The following GRK3 variants were observed in gnomAD, a reference collection of about 807,000 sequenced individuals.
GRK3 encodes the protein adrenergic, beta, receptor kinase 2.
A neutral mutation model predicts 95.7 loss-of-function variants in GRK3; 54 were observed. That is an observed-to-expected ratio of 0.56 (90% CI 0.45 to 0.71). The LOEUF is 0.71. GRK3 is among the 30% of genes least tolerant of loss of function. GRK3 has a pLI of 0.00. For missense variants in GRK3, 649 were observed against 851.2 expected, an observed-to-expected ratio of 0.76 and a Z score of 2.96; for synonymous variants, 281 against 290.8, an observed-to-expected ratio of 0.97 and a Z score of 0.34.
chr22:25,644,444 A>G (rs542009075), intron 2 of GRK3, 148 bp from the exon 3 acceptor site: 1 of 462,944 alleles, frequency 2.2e-6, no homozygotes, highest in Non-Finnish European at 3.8e-6. Flanking sequence ...GGAATTAATT[A>G]ATTCACTAGC....
At chr22:25,601,283 A>G (rs534273840) in intron 1 of GRK3, among the ~76,000 whole-genome samples, 1 of 152,344 alleles carries the variant, frequency 6.6e-6, no homozygotes, top group South Asian at 2.1e-4. Context: ...TCAACAAATC[A>G]TAAAAGAACT....
chr22:25,581,066 G>C (rs1389343871), intron 1 of GRK3: 1 of 152,088 alleles, frequency 6.6e-6, no homozygotes, highest in Non-Finnish European at 1.5e-5. Context: ...AGTGAGCTGA[G>C]ATTGCACTCC....
chr22:25,633,499 T>C (rs1429730001), intron 2 of GRK3, among the ~76,000 whole-genome samples: 3 of 152,176 alleles, frequency 2.0e-5, no homozygotes, highest in Non-Finnish European at 4.4e-5. Flanking sequence ...TTTTGTAGTT[T>C]TTAGCATACA....
intron 5 of GRK3, among the ~76,000 whole-genome samples, chr22:25,667,239 T>C (rs751576294): frequency 9.9e-5 from 15 of 152,222 alleles, no homozygotes; most frequent in Non-Finnish European, 1.6e-4. Flanking sequence ...TTTCACTTCA[T>C]GGACCTATTA....
At chr22:25,675,080 T>C (rs947972502) in intron 8 of GRK3, among the ~76,000 whole-genome samples, 3 of 152,046 alleles carry the variant, frequency 2.0e-5, no homozygotes, top group African/African-American at 7.2e-5. Flanking sequence ...GGGTTGTGGG[T>C]GGGAGCCAGG....
intron 15 of GRK3, among the ~76,000 whole-genome samples, 156 bp from the exon 16 acceptor site, chr22:25,709,742 C>T (rs996249093): frequency 2.0e-5 from 3 of 152,086 alleles, no homozygotes; most frequent in African/African-American, 7.2e-5. Context: ...CGTAGCATTC[C>T]TCCTGTTGTT....
At chr22:25,673,073 T>C (rs1457045005) in intron 7 of GRK3, among the ~76,000 whole-genome samples, 1 of 151,170 alleles carries the variant, frequency 6.6e-6, no homozygotes, top group Non-Finnish European at 1.5e-5. Context: ...GGGGCTTTTT[T>C]TTTTTTTGAG....
At chr22:25,697,867 T>C (rs1248297504) in intron 13 of GRK3, among the ~76,000 whole-genome samples, 1 of 152,156 alleles carries the variant, frequency 6.6e-6, no homozygotes, top group South Asian at 2.1e-4. Flanking sequence ...TCTCCCCCAC[T>C]AGGATTTATT....
At chr22:25,674,409 G>A (rs1292709474) in intron 7 of GRK3, 28 bp from the exon 8 acceptor site, 3 of 1,553,390 alleles carry the variant, frequency 1.9e-6, no homozygotes, top group Non-Finnish European at 1.8e-6. Flanking sequence ...GTAATCTTAT[G>A]TTTTCATTTT....
Position 25,711,182 on chromosome 22 carries a change from A to G in GRK3, c.1491+19A>G. The G allele has an allele frequency of 1.3e-6, 2 of 1,507,826 alleles. No individual in the cohort carries two copies. The highest frequency in any genetic ancestry group is 1.8e-6 in the Non-Finnish European group (2 of 1,102,974). The allele number at this position is 1,507,826 out of a possible 1,614,324, so 93.4% of individuals were successfully genotyped here. ...GATTAAGGTACACATGTGATCATTT[A>G]TTTCTTTATTTTTATTTTTGGATGG... On this transcript the variant is annotated intron_variant, in intron 17 of 20. Coordinates refer to ENST00000324198, the MANE Select transcript of GRK3 (RefSeq NM_005160.4).
Position 25,727,503 on chromosome 22 carries a change from T to G in GRK3, c.*5053T>G, listed in dbSNP as rs1456975941. 6.6e-6 allele frequency: 1 copy of G among 152,260 alleles called. No homozygotes were observed. Among genetic ancestry groups the G allele is most frequent in the Non-Finnish European group, 1.5e-5 (1 of 68,052 alleles). 9.4% of individuals were successfully genotyped at this position (152,260 alleles called of 1,614,324 possible). ...GGGCTGTCTTTCTGACCTGGCTGTG[T>G]TAGCACTGATTGAGAAACGCAGGCT... On this transcript the variant is annotated 3_prime_UTR_variant, in exon 21 of 21. Transcript: ENST00000324198.
intron 4 of GRK3, 82 bp downstream of exon 4, chr22:25,661,759 A>C (rs2084911231): frequency 1.2e-6 from 1 of 853,100 alleles, no homozygotes; most frequent in South Asian, 2.0e-5. Flanking sequence ...AAAGTTAAAC[A>C]GTAGAAAGGT....
At chr22:25,615,505 A>G (rs573254407) in intron 2 of GRK3, among the ~76,000 whole-genome samples, 26 of 152,088 alleles carry the variant, frequency 1.7e-4, no homozygotes, top group Non-Finnish European at 1.5e-4. Flanking sequence ...TAGTATTTCT[A>G]CTTCTAGTCA....
chr22:25,586,615 A>C (rs1289862797), intron 1 of GRK3, among the ~76,000 whole-genome samples: 1 of 152,282 alleles, frequency 6.6e-6, no homozygotes, highest in African/African-American at 2.4e-5. Context: ...TCACCTCTGC[A>C]GAGTTGGGGA....
intron 2 of GRK3, among the ~76,000 whole-genome samples, chr22:25,641,508 C>T (rs532255300): frequency 9.2e-5 from 14 of 152,256 alleles, no homozygotes; most frequent in Admixed American, 2.0e-4. Context: ...GAGAGGTAGA[C>T]AGTAAAGAAG....
At chr22:25,705,664 A>C (rs1302051137) in intron 15 of GRK3, among the ~76,000 whole-genome samples, 1 of 151,866 alleles carries the variant, frequency 6.6e-6, no homozygotes, top group Non-Finnish European at 1.5e-5. Context: ...TTGTTTTTCC[A>C]TGATGTTTCT....
At chr22:25,648,970 G>C (rs1288274471) in intron 3 of GRK3, 10 of 981,300 alleles carry the variant, frequency 1.0e-5, no homozygotes, top group Admixed American at 1.7e-5. Context: ...TCTGGTGTCT[G>C]CTCATTTGGA....
rs367965610 is a variant in GRK3 at position 25,688,080 on chromosome 22, CA to C, written c.957+419del. On this transcript the variant is annotated intron_variant, in intron 11 of 20. Transcript: ENST00000324198. ...TGAAACCCCGTCTCTACTAAAAATA[CA>C]AAAAATTAGCCGGGCGTGGTGGCAG... 6.8e-4 allele frequency among the ~76,000 whole-genome samples: 103 copies of C among 151,898 alleles called. No homozygotes were observed. In the East Asian group the frequency reaches 0.014, roughly 21 times the overall value.
chr22:25,644,916 A>G (rs1288561299), intron 3 of GRK3, among the ~76,000 whole-genome samples: 1 of 152,204 alleles, frequency 6.6e-6, no homozygotes, highest in Non-Finnish European at 1.5e-5. Context: ...AAAGTTCCAG[A>G]GATGGGAGGC....
Sources: gnomAD v4.1 joint callset for allele counts (sites outside exome capture counted in the v4.1 genomes callset) on GRCh38, gnomAD v4.1.1 for gene constraint, MANE v1.5 for transcripts, NCBI Gene and HGNC (gene_info 2026-07-23, HGNC 2026-07-21) for gene names.